Variants in AKAP10 observed in about 807,000 individuals in gnomAD.
AKAP10 encodes A-kinase anchor protein 10, mitochondrial.
A neutral mutation model predicts 80.8 loss-of-function variants in AKAP10; 24 were observed. That is an observed-to-expected ratio of 0.30 (90% CI 0.22 to 0.42). The LOEUF is 0.42. Ranked by LOEUF, AKAP10 falls within the 10% of genes least tolerant of loss-of-function variation. The pLI, the probability that AKAP10 is intolerant of heterozygous loss-of-function variation, is 1.00. For synonymous variants in AKAP10, 291 were observed against 277.7 expected (o/e 1.05, Z -0.48); for missense variants, 661 against 794.9 (o/e 0.83, Z 2.03).
chr17:19,918,706 A>G (rs2042777235), intron 12 of AKAP10, among the ~76,000 whole-genome samples: 1 of 152,218 alleles, frequency 6.6e-6, no homozygotes, highest in African/African-American at 2.4e-5. Context: ...AAATACTGTC[A>G]ATTCAACCAA....
chr17:19,977,798 C>A lies in AKAP10; in HGVS notation c.-119G>T, dbSNP rs2043595441. The A allele has an allele frequency of 3.6e-6, 2 of 555,806 alleles. No homozygotes were observed. The highest frequency in any genetic ancestry group is 8.7e-5 in the Admixed American group (2 of 22,890). 34.4% of individuals were successfully genotyped at this position (555,806 alleles called of 1,614,324 possible). ...GGGATGCCCAGGCAGCTCCAGCCGC[C>A]ATATTATCAACAAGCCGCCCGCCCG... On this transcript the variant is annotated 5_prime_UTR_variant, in exon 1 of 15. An upstream start codon of the reference 5' UTR is lost. Transcript: ENST00000225737.
intron 5 of AKAP10, among the ~76,000 whole-genome samples, chr17:19,945,284 T>A (rs1054695361): frequency 3.3e-4 from 50 of 152,222 alleles, no homozygotes; most frequent in African/African-American, 1.1e-3. Context: ...TGAAACTGCT[T>A]CCTTTTTATC....
At chr17:19,950,068 C>T (rs904903710) in intron 4 of AKAP10, among the ~76,000 whole-genome samples, 6 of 151,928 alleles carry the variant, frequency 3.9e-5, no homozygotes, top group Admixed American at 1.3e-4. Flanking sequence ...TTTGGGAGGC[C>T]GAGGCAGGTG....
intron 12 of AKAP10, among the ~76,000 whole-genome samples, chr17:19,918,423 ACTCAGGAGCCTGAGGCAGTAGGATCGCT>A (rs1180709909): frequency 1.4e-4 from 21 of 152,000 alleles, no homozygotes; most frequent in African/African-American, 5.1e-4. Flanking sequence ...AATCCCAGCT[ACTCAGGAGCCTGAGGCAGTAGGATCGCT>A]TAAACCCGGA....
intron 10 of AKAP10, among the ~76,000 whole-genome samples, chr17:19,931,580 G>A (rs1442077897): frequency 6.6e-6 from 1 of 151,870 alleles, no homozygotes; most frequent in Non-Finnish European, 1.5e-5. Flanking sequence ...TAGTAGAGAT[G>A]GGGTTTCACC....
At chr17:19,962,081 A>C (rs900398768) in intron 3 of AKAP10, among the ~76,000 whole-genome samples, 8 of 152,096 alleles carry the variant, frequency 5.3e-5, no homozygotes, top group Non-Finnish European at 1.2e-4. Flanking sequence ...ATACCACTGC[A>C]CTCCAGCCTG....
chr17:19,936,164 A>C, intron 9 of AKAP10, 122 bp downstream of exon 9: 1 of 1,174,712 alleles, frequency 8.5e-7, no homozygotes, highest in South Asian at 1.7e-5. Context: ...TCTGCTCTTA[A>C]TCACTTTGCT....
intron 4 of AKAP10, among the ~76,000 whole-genome samples, chr17:19,947,882 T>G (rs2043152520): frequency 6.6e-6 from 1 of 151,702 alleles, no homozygotes; most frequent in Non-Finnish European, 1.5e-5. Context: ...AGAATAAACA[T>G]CAAATTTATG....
chr17:19,934,800 G>A (rs1403314857), intron 9 of AKAP10, among the ~76,000 whole-genome samples: 1 of 152,132 alleles, frequency 6.6e-6, no homozygotes, highest in Non-Finnish European at 1.5e-5. Flanking sequence ...ATCACTTAAG[G>A]TCAGGAGTTC....
At chr17:19,957,540 A>C (rs1401008497) in intron 4 of AKAP10, among the ~76,000 whole-genome samples, 1 of 152,198 alleles carries the variant, frequency 6.6e-6, no homozygotes, top group Non-Finnish European at 1.5e-5. Context: ...ATCTCAAAAA[A>C]AAAAAGATAA....
chr17:19,950,763 G>T (rs1285591457), intron 4 of AKAP10, among the ~76,000 whole-genome samples: 3 of 151,782 alleles, frequency 2.0e-5, no homozygotes, highest in Non-Finnish European at 4.4e-5. Flanking sequence ...TCTCTGCCTA[G>T]CCGCCCATCG....
chr17:19,916,544 C>G (rs532752378), intron 12 of AKAP10, among the ~76,000 whole-genome samples: 1 of 152,044 alleles, frequency 6.6e-6, no homozygotes, highest in Non-Finnish European at 1.5e-5. Context: ...ACTGCAAACA[C>G]CGAACACCTA....
At chr17:19,977,205 A>G (rs1368653899) in intron 1 of AKAP10, among the ~76,000 whole-genome samples, 2 of 152,130 alleles carry the variant, frequency 1.3e-5, no homozygotes, top group South Asian at 2.1e-4. Context: ...TTTAGACATA[A>G]AACCCTCAAC....
chr17:19,959,340 T>C (rs1478861557), intron 3 of AKAP10, among the ~76,000 whole-genome samples: 1 of 152,100 alleles, frequency 6.6e-6, no homozygotes, highest in Non-Finnish European at 1.5e-5. Context: ...CACAGGAAAA[T>C]AGGCAACACT....
chr17:19,928,846 G>A (rs2042902913), intron 10 of AKAP10, among the ~76,000 whole-genome samples: 1 of 152,054 alleles, frequency 6.6e-6, no homozygotes, highest in South Asian at 2.1e-4. Flanking sequence ...CTCCAGCCTG[G>A]GCGACAGAGC....
intron 8 of AKAP10, among the ~76,000 whole-genome samples, chr17:19,937,518 GA>G (rs940440951): frequency 4.6e-5 from 7 of 151,196 alleles, no homozygotes; most frequent in Non-Finnish European, 1.0e-4. Flanking sequence ...TAAAAAAGAA[GA>G]AAAAAAAGAA....
intron 10 of AKAP10, chr17:19,929,376 C>T (rs943773851): frequency 6.6e-6 from 1 of 152,142 alleles, no homozygotes; most frequent in African/African-American, 2.4e-5. Context: ...AAAGAATACA[C>T]AGTATGGTTT....
At chr17:19,970,918 T>C (rs1410896193) in intron 1 of AKAP10, among the ~76,000 whole-genome samples, 4 of 152,148 alleles carry the variant, frequency 2.6e-5, no homozygotes, top group Non-Finnish European at 5.9e-5. Context: ...TTTTATTTTT[T>C]TGAGACACGG....
At chr17:19,973,981 T>C (rs1010438763) in intron 1 of AKAP10, among the ~76,000 whole-genome samples, 4 of 152,148 alleles carry the variant, frequency 2.6e-5, no homozygotes, top group African/African-American at 9.7e-5. Flanking sequence ...GGCAGGCAGA[T>C]CACCTGAGGT....
Sources: allele counts gnomAD v4.1 joint callset (sites outside exome capture counted in the v4.1 genomes callset), GRCh38; gene constraint gnomAD v4.1.1; transcripts MANE v1.5; gene names NCBI Gene and HGNC (gene_info 2026-07-23, HGNC 2026-07-21).